RSF1: variants seen among roughly 807,000 people sequenced by gnomAD.
RSF1 encodes HBV pX-associated protein 8.
A neutral mutation model predicts 145.2 loss-of-function variants in RSF1; 13 were observed. The ratio of observed to expected loss-of-function variants is 0.09; its 90% CI spans 0.06 to 0.14. The LOEUF is 0.14. Ranked by LOEUF, RSF1 falls within the 10% of genes least tolerant of loss-of-function variation. The pLI, the probability that RSF1 is intolerant of heterozygous loss-of-function variation, is 1.00. For synonymous variants in RSF1, 577 were observed against 592.6 expected, an observed-to-expected ratio of 0.97 and a Z score of 0.38; for missense variants, 1,517 against 1,718.2, an observed-to-expected ratio of 0.88 and a Z score of 2.07.
intron 1 of RSF1, among the ~76,000 whole-genome samples, chr11:77,775,195 C>T (rs1291233679): frequency 6.6e-6 from 1 of 151,370 alleles, no homozygotes; most frequent in African/African-American, 2.4e-5. Context: ...TTGCAGTGAG[C>T]CAAGATTGCA....
At chr11:77,671,562 A>C (rs1374853901) in intron 15 of RSF1, among the ~76,000 whole-genome samples, 1 of 151,858 alleles carries the variant, frequency 6.6e-6, no homozygotes, top group Admixed American at 6.6e-5. Flanking sequence ...CCTCTTATCG[A>C]GTATCTTTTA....
chr11:77,857,359 A>T, the RSF1 span, among the ~76,000 whole-genome samples: 1 of 152,210 alleles, frequency 6.6e-6, no homozygotes, highest in African/African-American at 2.4e-5. Context: ...CAGGAAAAAC[A>T]TATGTCTAGA....
At chr11:77,725,427 TAAG>T (rs1961030591) in intron 5 of RSF1, 115 bp downstream of exon 5, 1 of 856,544 alleles carries the variant, frequency 1.2e-6, no homozygotes, top group Admixed American at 4.2e-5. Flanking sequence ...CCTCCTTTTA[TAAG>T]AAGGCTCCCA....
At chr11:77,716,163 C>T (rs1281852029) in intron 5 of RSF1, among the ~76,000 whole-genome samples, 2 of 151,696 alleles carry the variant, frequency 1.3e-5, no homozygotes, top group South Asian at 2.1e-4. Flanking sequence ...AATCCCTGTA[C>T]ACTGTTGTTG....
At chr11:77,728,271 T>C (rs1961106638) in intron 4 of RSF1, among the ~76,000 whole-genome samples, 1 of 152,144 alleles carries the variant, frequency 6.6e-6, no homozygotes, top group South Asian at 2.1e-4. Flanking sequence ...ATAGAATGAA[T>C]AAACAAAATC....
At chr11:77,788,521 C>A (rs1360595254) in intron 1 of RSF1, among the ~76,000 whole-genome samples, 2 of 140,916 alleles carry the variant, frequency 1.4e-5, no homozygotes, top group African/African-American at 2.6e-5. Flanking sequence ...AAAAGACTAG[C>A]GAACTTAAAA....
intron 1 of RSF1, among the ~76,000 whole-genome samples, chr11:77,786,282 A>G (rs1180899155): frequency 2.0e-5 from 3 of 152,224 alleles, no homozygotes; most frequent in Admixed American, 6.5e-5. Flanking sequence ...TGAATTTATT[A>G]AAGTATCCTA....
Position 77,769,292 on chromosome 11 carries a change from G to C in RSF1, c.188-4603C>G, listed in dbSNP as rs1590876280. Among the ~76,000 whole-genome samples, 4 of 152,198 alleles carry C rather than the reference G, an allele frequency of 2.6e-5. No homozygotes were observed. In the South Asian group the frequency reaches 8.3e-4, roughly 32 times the overall value. On this transcript the variant is annotated intron_variant, in intron 1 of 15. Transcript: ENST00000308488. ...CATCAATCATATTTTTTAAATACAT[G>C]ATCATTTTCTAAAACACTGACAAGC...
At chr11:77,854,720 C>T in the RSF1 span, among the ~76,000 whole-genome samples, 13 of 152,138 alleles carry the variant, frequency 8.5e-5, no homozygotes, top group Non-Finnish European at 1.3e-4. Flanking sequence ...TGGTGCAAGC[C>T]GTTGGTGGAT....
intron 1 of RSF1, among the ~76,000 whole-genome samples, chr11:77,818,662 C>T (rs185770591): frequency 2.0e-5 from 3 of 151,888 alleles, no homozygotes; most frequent in Non-Finnish European, 4.4e-5. Flanking sequence ...ACCTGTAATC[C>T]CAGCTACTCG....
the RSF1 span, among the ~76,000 whole-genome samples, chr11:77,840,223 C>T: frequency 1.3e-5 from 2 of 152,118 alleles, no homozygotes; most frequent in South Asian, 4.1e-4. Flanking sequence ...TCACTTTCTA[C>T]TGTTTAGTAC....
At chr11:77,729,553 A>G (rs1349215431) in intron 4 of RSF1, among the ~76,000 whole-genome samples, 1 of 152,036 alleles carries the variant, frequency 6.6e-6, no homozygotes, top group African/African-American at 2.4e-5. Flanking sequence ...AGAAAAAAAA[A>G]ATAACAAAAA....
At chr11:77,831,003 A>T in the RSF1 span, among the ~76,000 whole-genome samples, 1 of 151,300 alleles carries the variant, frequency 6.6e-6, no homozygotes. Context: ...AAAAAAAAAA[A>T]AAAAAAATAG....
intron 7 of RSF1, among the ~76,000 whole-genome samples, chr11:77,695,002 G>GT (rs2135844992): frequency 6.6e-6 from 1 of 152,262 alleles, no homozygotes; most frequent in South Asian, 2.1e-4. Flanking sequence ...GGGGATACAT[G>GT]TTATCAATGA....
chr11:77,798,453 C>T (rs762187663), intron 1 of RSF1, among the ~76,000 whole-genome samples: 12 of 151,414 alleles, frequency 7.9e-5, no homozygotes, highest in Non-Finnish European at 1.2e-4. Flanking sequence ...GGCACACACA[C>T]GCCTATAATC....
At chr11:77,819,833 C>G (rs868738887) in intron 1 of RSF1, among the ~76,000 whole-genome samples, 2 of 152,080 alleles carry the variant, frequency 1.3e-5, no homozygotes, top group Admixed American at 6.5e-5. Context: ...CACAGTGGAG[C>G]TGAACCGACT....
chr11:77,864,174 G>A, the RSF1 span, among the ~76,000 whole-genome samples: 299 of 152,118 alleles, frequency 2.0e-3, 4 homozygotes, highest in African/African-American at 7.0e-3. Flanking sequence ...TGATACGCCC[G>A]CCTCAGCCTC....
At chr11:77,774,405 A>G in intron 1 of RSF1, among the ~76,000 whole-genome samples, 1 of 151,450 alleles carries the variant, frequency 6.6e-6, no homozygotes, top group Admixed American at 6.6e-5. Flanking sequence ...GTTCGAGACC[A>G]GCTAAAAAAT....
chr11:77,846,934 A>G, the RSF1 span, among the ~76,000 whole-genome samples: 2 of 152,234 alleles, frequency 1.3e-5, no homozygotes, highest in Non-Finnish European at 2.9e-5. Context: ...TCTTTTCTGT[A>G]TCCTGTGTTA....
Sources: allele counts gnomAD v4.1 joint callset (sites outside exome capture counted in the v4.1 genomes callset), GRCh38; gene constraint gnomAD v4.1.1; transcripts MANE v1.5; gene names NCBI Gene and HGNC (gene_info 2026-07-23, HGNC 2026-07-21).